Variants in SYT14 observed in about 807,000 individuals in gnomAD.
The protein encoded by SYT14 is synaptotagmin-14.
A neutral mutation model predicts 74.2 loss-of-function variants in SYT14; 32 were observed. That is an observed-to-expected ratio of 0.43 (90% CI 0.33 to 0.58). The LOEUF is 0.58. SYT14 is among the 20% of genes least tolerant of loss of function. The pLI is 0.05. For synonymous variants in SYT14, 298 were observed against 337.7 expected (o/e 0.88, Z 1.29); for missense variants, 791 against 981.8 (o/e 0.81, Z 2.60).
At chr1:210,095,868 A>G (rs900997637) in intron 6 of SYT14, among the ~76,000 whole-genome samples, 44 of 151,972 alleles carry the variant, frequency 2.9e-4, no homozygotes, top group African/African-American at 1.1e-3. Flanking sequence ...TTATTTTATG[A>G]TTTTTCATGA....
intron 5 of SYT14, among the ~76,000 whole-genome samples, chr1:210,071,813 G>A (rs1021832925): frequency 3.9e-5 from 6 of 151,928 alleles, no homozygotes; most frequent in Admixed American, 3.9e-4. Flanking sequence ...TTGCAGTGAT[G>A]TTTTTATTAC....
At chr1:210,157,208 G>A (rs1023028778) in intron 8 of SYT14, among the ~76,000 whole-genome samples, 1 of 151,940 alleles carries the variant, frequency 6.6e-6, no homozygotes, top group African/African-American at 2.4e-5. Flanking sequence ...TTAGGAGGCT[G>A]AGGCGGGAGG....
At chr1:210,019,413 C>T (rs1237683952) in intron 4 of SYT14, among the ~76,000 whole-genome samples, 1 of 152,120 alleles carries the variant, frequency 6.6e-6, no homozygotes, top group Non-Finnish European at 1.5e-5. Flanking sequence ...TGCATTGTTC[C>T]ATATAGTAAC....
intron 8 of SYT14, among the ~76,000 whole-genome samples, chr1:210,156,712 G>A (rs1375284135): frequency 2.1e-5 from 1 of 46,604 alleles, no homozygotes. Context: ...TTTTTTTTTT[G>A]GAGACAGTTT....
chr1:210,120,131 C>T (rs2082430010), intron 7 of SYT14, among the ~76,000 whole-genome samples: 1 of 144,468 alleles, frequency 6.9e-6, no homozygotes, highest in East Asian at 1.9e-4. Flanking sequence ...TAGAATGGTA[C>T]TAAATTACTT....
At chr1:210,080,459 C>T (rs1205310001) in intron 5 of SYT14, among the ~76,000 whole-genome samples, 3 of 152,180 alleles carry the variant, frequency 2.0e-5, no homozygotes, top group Non-Finnish European at 1.5e-5. Flanking sequence ...CTTGATATCA[C>T]GTACTCTTTA....
At chr1:210,163,433 T>G (rs1324630539) in exon 10 of SYT14, 1 of 453,784 alleles carries the variant, frequency 2.2e-6, no homozygotes, top group Non-Finnish European at 4.4e-6. Flanking sequence ...GATTATAAAT[T>G]ATCTATATGA....
chr1:210,140,545 G>C (rs548421719), intron 7 of SYT14, among the ~76,000 whole-genome samples: 1 of 152,168 alleles, frequency 6.6e-6, no homozygotes, highest in Non-Finnish European at 1.5e-5. Flanking sequence ...TCTGTTGCTT[G>C]TGTTGTTAGT....
At chr1:210,149,995 C>T (rs1480090018) in intron 7 of SYT14, among the ~76,000 whole-genome samples, 1 of 152,142 alleles carries the variant, frequency 6.6e-6, no homozygotes, top group Non-Finnish European at 1.5e-5. Context: ...ACACAGTACC[C>T]AGATTTTGGT....
intron 2 of SYT14, among the ~76,000 whole-genome samples, chr1:209,955,612 A>T (rs2078980885): frequency 6.6e-6 from 1 of 152,130 alleles, no homozygotes; most frequent in Admixed American, 6.5e-5. Flanking sequence ...ACTAAGTATT[A>T]GTGATTTTCA....
chr1:209,996,457 A>T (rs1011262293), intron 2 of SYT14, among the ~76,000 whole-genome samples: 6 of 152,154 alleles, frequency 3.9e-5, no homozygotes, highest in African/African-American at 7.2e-5. Context: ...TGAATCAATA[A>T]TAAAAACTCT....
Position 209,974,437 on chromosome 1 carries a change from C to T in SYT14, c.-486+21681C>T, listed in dbSNP as rs570183304. Among the ~76,000 whole-genome samples the T allele has an allele frequency of 1.3e-4, 20 of 152,272 alleles. No individual in the cohort carries two copies. In the South Asian group the frequency reaches 2.7e-3, roughly 21 times the overall value. On this transcript the variant is annotated intron_variant, in intron 2 of 9. Transcript: ENST00000637265. ...TTTCAGCTTTCTACATATGGCTAGC[C>T]AGTTTTTCCAGCACCACTTATTAAA...
intron 5 of SYT14, among the ~76,000 whole-genome samples, chr1:210,064,168 T>A (rs2081257291): frequency 6.6e-6 from 1 of 152,054 alleles, no homozygotes; most frequent in Admixed American, 6.6e-5. Flanking sequence ...CCTTTTTGTG[T>A]CTGATTTATT....
chr1:209,983,254 T>C (rs2079519067), intron 2 of SYT14, among the ~76,000 whole-genome samples: 1 of 152,206 alleles, frequency 6.6e-6, no homozygotes. Flanking sequence ...TTTGGTGTTA[T>C]ATTTACAAAG....
At chr1:209,955,637 G>A (rs1313637866) in intron 2 of SYT14, among the ~76,000 whole-genome samples, 1 of 151,874 alleles carries the variant, frequency 6.6e-6, no homozygotes, top group African/African-American at 2.4e-5. Context: ...TGTAAATCAG[G>A]CCAACCACTT....
exon 10 of SYT14, chr1:210,160,934 T>G: frequency 6.2e-7 from 1 of 1,614,044 alleles, no homozygotes; most frequent in Non-Finnish European, 8.5e-7. Context: ...TAGGCTGGAT[T>G]TCTTTAGGTC....
chr1:210,165,119 C>T (rs1166825954), exon 10 of SYT14: 1 of 152,084 alleles, frequency 6.6e-6, no homozygotes, highest in African/African-American at 2.4e-5. Flanking sequence ...AGAGGTTAAG[C>T]AGACTTTCCC....
intron 7 of SYT14, among the ~76,000 whole-genome samples, chr1:210,101,691 GA>G (rs200180399): frequency 1.1e-3 from 172 of 151,486 alleles, no homozygotes; most frequent in Middle Eastern, 3.4e-3. Flanking sequence ...CAATATTTCG[GA>G]GGGGGGAAGA....
At chr1:210,016,097 G>A (rs1290023378) in exon 4 of SYT14, 38 of 1,232,156 alleles carry the variant, frequency 3.1e-5, no homozygotes, top group Non-Finnish European at 3.7e-5. Flanking sequence ...GACCACTGCT[G>A]TTGGGGAGGT....
Sources: gnomAD v4.1 joint callset for allele counts (sites outside exome capture counted in the v4.1 genomes callset) on GRCh38, gnomAD v4.1.1 for gene constraint, MANE v1.5 for transcripts, NCBI Gene and HGNC (gene_info 2026-07-23, HGNC 2026-07-21) for gene names.